Variants in ZNF667 observed in about 807,000 individuals in gnomAD.
ZNF667 encodes myocardial ischemic preconditioning upregulated 1 ortholog.
A neutral mutation model predicts 31.8 loss-of-function variants in ZNF667; 13 were observed. The observed-to-expected ratio is 0.41, with a 90% CI of 0.27 to 0.65. The LOEUF is 0.65. ZNF667 is among the 30% of genes least tolerant of loss of function. ZNF667 has a pLI of 0.32. For missense variants in ZNF667, 642 were observed against 725.6 expected, an observed-to-expected ratio of 0.88 and a Z score of 1.32; for synonymous variants, 228 against 247.1, an observed-to-expected ratio of 0.92 and a Z score of 0.73.
chr19:56,472,621 T>G (rs2043316537), intron 2 of ZNF667: 1 of 146,112 alleles, frequency 6.8e-6, no homozygotes, highest in Non-Finnish European at 1.5e-5. Context: ...AAAACCACTC[T>G]ACTTCATGAA....
intron 6 of ZNF667, among the ~76,000 whole-genome samples, chr19:56,450,523 C>T (rs1173488605): frequency 6.6e-6 from 1 of 152,114 alleles, no homozygotes; most frequent in Non-Finnish European, 1.5e-5. Flanking sequence ...AAAAAGTCAT[C>T]TGAACATACA....
chr19:56,448,389 C>G (rs552908193), intron 6 of ZNF667, among the ~76,000 whole-genome samples: 1 of 152,264 alleles, frequency 6.6e-6, no homozygotes, highest in African/African-American at 2.4e-5. Context: ...CTAAGTAAAT[C>G]TGAAAGGCAG....
intron 6 of ZNF667, among the ~76,000 whole-genome samples, chr19:56,457,142 A>G (rs1459724570): frequency 6.6e-6 from 1 of 152,232 alleles, no homozygotes; most frequent in Non-Finnish European, 1.5e-5. Context: ...TACAAAATAT[A>G]TAACTTGGCC....
intron 5 of ZNF667, among the ~76,000 whole-genome samples, chr19:56,458,746 T>C (rs2042985109): frequency 6.6e-6 from 1 of 152,192 alleles, no homozygotes; most frequent in Admixed American, 6.5e-5. Context: ...GGTGGTGCAG[T>C]AGAGGGTGCA....
intron 1 of ZNF667, 22 bp from the exon 2 acceptor site, chr19:56,474,146 A>G (rs537359135): frequency 6.6e-6 from 1 of 152,278 alleles, no homozygotes; most frequent in Non-Finnish European, 1.5e-5. Context: ...CATGCTTCAA[A>G]GAGTTACTGA....
At position 56,458,054 on chromosome 19, in the gene ZNF667, G is replaced by A. The variant is rs925267463; in HGVS notation, c.253+101C>T. 3.3e-5 allele frequency: 35 copies of A among 1,058,646 alleles called. No homozygotes were observed. The African/African-American group carries it at 4.7e-4, about 14-fold the overall frequency. The allele number at this position is 1,058,646 out of a possible 1,614,324, so 65.6% of individuals were successfully genotyped here. ...TGGACTTCTCAGCCTCCAGAACTGT[G>A]AGAAGTAGATTTCTGGTGTTTGTAA... On this transcript the variant is annotated intron_variant, in intron 6 of 6. Coordinates refer to ENST00000504904, the MANE Select transcript of ZNF667 (RefSeq NM_001321356.2).
At chr19:56,476,452 C>G (rs934081707) in intron 1 of ZNF667, among the ~76,000 whole-genome samples, 1 of 152,076 alleles carries the variant, frequency 6.6e-6, no homozygotes, top group Non-Finnish European at 1.5e-5. Context: ...ACCTCTGCCT[C>G]TGTATAGGGT....
At chr19:56,466,929 T>C (rs61635147) in intron 3 of ZNF667, 8,953 of 447,196 alleles carry the variant, frequency 0.02, 264 homozygotes, top group African/African-American at 0.097. Context: ...GAGAACACCC[T>C]ACTCTATAAC....
At chr19:56,470,028 C>T (rs549174585) in intron 3 of ZNF667, 18 of 458,298 alleles carry the variant, frequency 3.9e-5, no homozygotes, top group South Asian at 1.4e-4. Flanking sequence ...TGTCCTCCAC[C>T]GGACAATGCA....
At chr19:56,463,068 A>G (rs965624511) in intron 3 of ZNF667, among the ~76,000 whole-genome samples, 2 of 151,822 alleles carry the variant, frequency 1.3e-5, no homozygotes, top group African/African-American at 4.8e-5. Context: ...ACTGAGGCAG[A>G]GTGAGTGCAG....
At chr19:56,463,261 A>G (rs114818447) in intron 3 of ZNF667, among the ~76,000 whole-genome samples, 41 of 152,240 alleles carry the variant, frequency 2.7e-4, no homozygotes, top group African/African-American at 9.1e-4. Flanking sequence ...TGTGTGTCAG[A>G]AGAGGGAGCA....
chr19:56,446,303 TTTCTGGCACATGCTATGACC>T (rs1272975720), intron 6 of ZNF667, among the ~76,000 whole-genome samples: 9 of 152,234 alleles, frequency 5.9e-5, no homozygotes, highest in African/African-American at 2.2e-4. Context: ...ATGTGCGAGA[TTTCTGGCACATGCTATGACC>T]TCTAATCTGC....
At chr19:56,469,295 T>G (rs959239145) in intron 3 of ZNF667, among the ~76,000 whole-genome samples, 11 of 152,194 alleles carry the variant, frequency 7.2e-5, no homozygotes, top group Non-Finnish European at 1.6e-4. Context: ...CTCAGGGTCC[T>G]GCCTTGTTTT....
At chr19:56,443,729 G>C (rs1600400524) in intron 6 of ZNF667, among the ~76,000 whole-genome samples, 1 of 152,180 alleles carries the variant, frequency 6.6e-6, no homozygotes. Flanking sequence ...TCTTTAGCAA[G>C]AAGCAGGAAA....
chr19:56,439,851 GGTTTCACCGT>G lies in ZNF667; in HGVS notation c.*1301_*1310del, dbSNP rs2042567335. 1 of 152,272 alleles carries G rather than the reference GGTTTCACCGT, an allele frequency of 6.6e-6. No homozygotes were observed. The highest frequency in any genetic ancestry group is 1.5e-5 in the Non-Finnish European group (1 of 68,164). 9.4% of individuals were successfully genotyped at this position (152,272 alleles called of 1,614,324 possible). A position where few individuals can be genotyped will look rare whatever the true frequency, so the allele number is the denominator to read the frequency against. Reference sequence around the variant, plus strand: ...TTGTATTTTTTTTCAGTGGAGACGGGGTTTCACCGTGTTAGCCAGGATTGTCTCAATCTCC... The same window carrying G: ...TTGTATTTTTTTTCAGTGGAGACGGGGTTAGCCAGGATTGTCTCAATCTCC... On this transcript the variant is annotated 3_prime_UTR_variant, in exon 7 of 7. Coordinates refer to ENST00000504904, the MANE Select transcript of ZNF667 (RefSeq NM_001321356.2).
At position 56,441,822 on chromosome 19, in the gene ZNF667, A is replaced by C; in HGVS notation, c.1173T>G (p.Cys391Trp). Residue 391 changes from cysteine (C) to tryptophan (W), a missense_variant, in exon 7 of 7, where the codon TGT becomes TGG. By Grantham distance (215) the Cys-to-Trp change is radical. Transcript: ENST00000504904. This position sits in a 1 kb window ranked among gnomAD's most constrained non-coding sequence, Gnocchi z 4.2. Reference protein sequence around the residue: ...NGEKLYRCNKCEKVCNRHSSL... With the variant: ...NGEKLYRCNKWEKVCNRHSSL... ...ATGAATGCCGATTGCAGACCTTCTC[A>C]CATTTATTGCATCTGTATAGTTTTT... 6.2e-7 allele frequency: 1 copy of C among 1,614,014 alleles called. No individual in the cohort carries two copies. The highest frequency in any genetic ancestry group is 1.7e-5 in the Admixed American group (1 of 59,984).
intron 6 of ZNF667, among the ~76,000 whole-genome samples, chr19:56,450,281 G>T (rs567462236): frequency 6.6e-6 from 1 of 152,142 alleles, no homozygotes; most frequent in Admixed American, 6.5e-5. Context: ...TTGCTCAGTG[G>T]AAACCTTATA....
intron 6 of ZNF667, among the ~76,000 whole-genome samples, chr19:56,451,768 C>G (rs909779403): frequency 2.0e-5 from 3 of 147,652 alleles, no homozygotes; most frequent in Non-Finnish European, 3.0e-5. Context: ...ACTCAGTAGG[C>G]CAAGGTGGGA....
chr19:56,456,095 C>T (rs1027421627), intron 6 of ZNF667, among the ~76,000 whole-genome samples: 3 of 152,174 alleles, frequency 2.0e-5, no homozygotes, highest in Non-Finnish European at 4.4e-5. Context: ...AAATGCTGAA[C>T]TTACAGGCTT....
Sources: allele counts gnomAD v4.1 joint callset (sites outside exome capture counted in the v4.1 genomes callset), GRCh38; gene constraint gnomAD v4.1.1; non-coding constraint Gnocchi (gnomAD v3.1); transcripts MANE v1.5; gene names NCBI Gene and HGNC (gene_info 2026-07-23, HGNC 2026-07-21).